Variants in PREX2 observed in about 807,000 individuals in gnomAD.
PREX2 encodes the protein phosphatidylinositol-3,4,5-trisphosphate dependent Rac exchange factor 2.
Under a neutral mutation model 203.2 loss-of-function variants are expected in PREX2, and 107 were observed. The observed-to-expected ratio is 0.53, with a 90% CI of 0.45 to 0.62. The LOEUF (loss-of-function observed/expected upper bound fraction) is 0.62. Ranked by LOEUF, PREX2 falls within the 20% of genes least tolerant of loss-of-function variation. The pLI is 0.00. For synonymous variants in PREX2, 672 were observed against 663.6 expected, an observed-to-expected ratio of 1.01 and a Z score of -0.19; for missense variants, 1,777 against 1,955.9, an observed-to-expected ratio of 0.91 and a Z score of 1.72.
At chr8:68,021,768 CT>C (rs1252975587) in intron 3 of PREX2, among the ~76,000 whole-genome samples, 1 of 152,174 alleles carries the variant, frequency 6.6e-6, no homozygotes, top group East Asian at 1.9e-4. Context: ...AAGCTCAGCC[CT>C]CTCTTTTCTG....
intron 24 of PREX2, among the ~76,000 whole-genome samples, 177 bp from the exon 25 acceptor site, chr8:68,109,239 G>A (rs1206349930): frequency 6.6e-6 from 1 of 152,140 alleles, no homozygotes; most frequent in East Asian, 1.9e-4. Context: ...TAATACATAT[G>A]TTAATTACCT....
At chr8:68,087,135 C>A (rs1408147297) in intron 18 of PREX2, among the ~76,000 whole-genome samples, 1 of 152,154 alleles carries the variant, frequency 6.6e-6, no homozygotes, top group Non-Finnish European at 1.5e-5. Flanking sequence ...AGATACCCTG[C>A]AAAATAACTT....
chr8:68,027,886 C>T (rs958799210), intron 5 of PREX2, among the ~76,000 whole-genome samples: 2 of 151,960 alleles, frequency 1.3e-5, no homozygotes, highest in Admixed American at 1.3e-4. Context: ...GGTTTGTTGC[C>T]TCATTATAGT....
chr8:68,040,974 C>T (rs1226243382), intron 7 of PREX2, among the ~76,000 whole-genome samples: 1 of 152,110 alleles, frequency 6.6e-6, no homozygotes, highest in African/African-American at 2.4e-5. Context: ...AATGTTCTTA[C>T]TTTATGGGAT....
Position 68,019,491 on chromosome 8 carries a change from A to G in PREX2, c.214-58A>G, listed in dbSNP as rs761099750. On this transcript the variant is annotated intron_variant, in intron 2 of 39. Transcript: ENST00000288368. ...GTTGGAGAGAGAATACTATGCTATC[A>G]TAGACTTAAAAAAATTGCTTCACTA... is the stretch of plus-strand genomic sequence containing the variant. 5.5e-6 allele frequency: 8 copies of G among 1,446,950 alleles called. No homozygotes were observed. In the African/African-American group the frequency reaches 7.1e-5, roughly 13 times the overall value. The allele number at this position is 1,446,950 out of a possible 1,614,324, so 89.6% of individuals were successfully genotyped here. A position where few individuals can be genotyped will look rare whatever the true frequency, so the allele number is the denominator to read the frequency against.
intron 17 of PREX2, among the ~76,000 whole-genome samples, chr8:68,081,337 A>G (rs981211880): frequency 7.9e-5 from 12 of 151,952 alleles, no homozygotes; most frequent in African/African-American, 2.9e-4. Flanking sequence ...CCCGCCGCTC[A>G]CCTCCTTTTG....
chr8:67,990,807 G>A (rs1445163306), intron 1 of PREX2, among the ~76,000 whole-genome samples: 2 of 152,094 alleles, frequency 1.3e-5, no homozygotes, highest in African/African-American at 2.4e-5. Flanking sequence ...CACCGTGCCC[G>A]GCCTCCCAGG....
At chr8:68,019,490 C>T in intron 2 of PREX2, 59 bp from the exon 3 acceptor site, 1 of 1,432,332 alleles carries the variant, frequency 7.0e-7, no homozygotes, top group Non-Finnish European at 9.6e-7. Flanking sequence ...ACTATGCTAT[C>T]ATAGACTTAA....
intron 33 of PREX2, among the ~76,000 whole-genome samples, chr8:68,144,677 G>A (rs562771719): frequency 1.6e-4 from 24 of 152,162 alleles, no homozygotes; most frequent in Non-Finnish European, 3.4e-4. Context: ...GATGTTGAGA[G>A]GAGTGGTAAT....
chr8:68,214,344 G>A (rs1472994870), intron 37 of PREX2, among the ~76,000 whole-genome samples: 3 of 152,144 alleles, frequency 2.0e-5, no homozygotes, highest in African/African-American at 4.8e-5. Context: ...AAGCTGCAGC[G>A]AGTTGGGATG....
At chr8:68,207,484 T>C (rs1282426881) in intron 37 of PREX2, among the ~76,000 whole-genome samples, 1 of 152,082 alleles carries the variant, frequency 6.6e-6, no homozygotes, top group African/African-American at 2.4e-5. Flanking sequence ...TTAAAATAAG[T>C]ATGTATTGAA....
chr8:68,103,676 T>C (rs1360632645), intron 23 of PREX2: 1 of 519,450 alleles, frequency 1.9e-6, no homozygotes. Context: ...TGCCAAAGTC[T>C]ATTGACTATC....
At chr8:68,104,762 C>A (rs1036709514) in intron 23 of PREX2, among the ~76,000 whole-genome samples, 1 of 152,194 alleles carries the variant, frequency 6.6e-6, no homozygotes, top group Non-Finnish European at 1.5e-5. Context: ...TGTTCCCCAA[C>A]ATGCTGAGGG....
intron 34 of PREX2, among the ~76,000 whole-genome samples, chr8:68,150,528 T>C (rs975905128): frequency 5.3e-5 from 8 of 152,180 alleles, no homozygotes; most frequent in African/African-American, 1.9e-4. Flanking sequence ...TCATCAAATT[T>C]GTGCAAGGAA....
chr8:67,968,879 G>C (rs574345945), intron 1 of PREX2, among the ~76,000 whole-genome samples: 1 of 152,296 alleles, frequency 6.6e-6, no homozygotes, highest in African/African-American at 2.4e-5. Flanking sequence ...CAAAGGATAC[G>C]GGTGAACTTT....
chr8:68,098,936 G>GTATATATA (rs1353078022), intron 22 of PREX2, among the ~76,000 whole-genome samples: 10 of 74,862 alleles, frequency 1.3e-4, no homozygotes, highest in African/African-American at 4.5e-4. Flanking sequence ...ACATATATAT[G>GTATATATA]TGTATATATA....
At chr8:68,036,047 A>G (rs979258249) in intron 6 of PREX2, among the ~76,000 whole-genome samples, 5 of 152,286 alleles carry the variant, frequency 3.3e-5, no homozygotes, top group South Asian at 2.1e-4. Flanking sequence ...AGGTCAGTCA[A>G]TCGTACTCTT....
Position 68,231,348 on chromosome 8 carries a change from CG to C in PREX2, c.4792del (p.Glu1598SerfsTer38). The C allele has an allele frequency of 6.2e-7, 1 of 1,600,658 alleles. No individual in the cohort carries two copies. Reference protein sequence around the residue: ...QSAPRLYKLCEPPPPAGEE With the variant: ...QSAPRLYKLCXPPPPAGEE ...CCTTTTCTAGGCTGTACAAGCTGTG[CG>C]AGCCACCTCCCCCAGCTGGAGAAGA... is the stretch of plus-strand genomic sequence containing the variant. On this transcript the variant is annotated frameshift_variant, in exon 40 of 40. Transcript: ENST00000288368. LOFTEE classifies it high-confidence loss of function.
chr8:68,023,245 C>G (rs1400877668), intron 4 of PREX2, among the ~76,000 whole-genome samples: 1 of 152,146 alleles, frequency 6.6e-6, no homozygotes, highest in Non-Finnish European at 1.5e-5. Flanking sequence ...TATTTACTGG[C>G]AATGCATGAG....
Sources: gnomAD v4.1 joint callset for allele counts (sites outside exome capture counted in the v4.1 genomes callset) on GRCh38, gnomAD v4.1.1 for gene constraint, MANE v1.5 for transcripts, NCBI Gene and HGNC (gene_info 2026-07-23, HGNC 2026-07-21) for gene names.